The following ME3 variants were observed in gnomAD, a reference collection of about 807,000 sequenced individuals.
ME3 encodes the protein malic enzyme 3, also known as NADP-dependent malic enzyme, mitochondrial.
ME3 carries 48 observed loss-of-function variants against 68.9 expected under a neutral mutation model. That is an observed-to-expected ratio of 0.70 (90% CI 0.55 to 0.89). The LOEUF (loss-of-function observed/expected upper bound fraction) is 0.89, where lower values mean the gene tolerates loss of function less well. ME3 is among the 40% of genes least tolerant of loss of function. The pLI is 0.00. For missense variants in ME3, 675 were observed against 797.4 expected, an observed-to-expected ratio of 0.85 and a Z score of 1.85; for synonymous variants, 320 against 318.8, an observed-to-expected ratio of 1.00 and a Z score of -0.04.
chr11:86,497,744 C>G (rs796151709), intron 6 of ME3, among the ~76,000 whole-genome samples: 1 of 152,088 alleles, frequency 6.6e-6, no homozygotes, highest in African/African-American at 2.4e-5. Flanking sequence ...GCAAGGGGGC[C>G]CAGGAGTGGG....
intron 2 of ME3, chr11:86,623,016 T>A (rs951104401): frequency 4.6e-5 from 7 of 152,158 alleles, no homozygotes; most frequent in Non-Finnish European, 7.4e-5. Flanking sequence ...TAATATCTAT[T>A]TGTGATGGTT....
chr11:86,501,319 A>G (rs1401316324), intron 5 of ME3, among the ~76,000 whole-genome samples: 1 of 152,148 alleles, frequency 6.6e-6, no homozygotes, highest in Non-Finnish European at 1.5e-5. Context: ...GATGATGATT[A>G]TTTAGGGCAA....
At chr11:86,466,851 C>T (rs1950507109) in intron 7 of ME3, among the ~76,000 whole-genome samples, 1 of 152,176 alleles carries the variant, frequency 6.6e-6, no homozygotes, top group Non-Finnish European at 1.5e-5. Flanking sequence ...GGTTAGAAGG[C>T]CATAGGCCGG....
chr11:86,454,632 G>A (rs76997902), intron 8 of ME3, among the ~76,000 whole-genome samples: 9,416 of 152,264 alleles, frequency 0.062, 339 homozygotes, highest in Non-Finnish European at 0.086. Context: ...GGAAAATAAG[G>A]TATGGTTTGC....
At chr11:86,504,331 C>T (rs943355247) in intron 5 of ME3, among the ~76,000 whole-genome samples, 9 of 146,842 alleles carry the variant, frequency 6.1e-5, no homozygotes, top group African/African-American at 2.2e-4. Context: ...TAACCTCAGA[C>T]AAGTCACTTA....
At chr11:86,614,961 C>A (rs1942851912) in intron 2 of ME3, among the ~76,000 whole-genome samples, 1 of 152,136 alleles carries the variant, frequency 6.6e-6, no homozygotes, top group Non-Finnish European at 1.5e-5. Context: ...TCAGATGTGG[C>A]CATGAGACGA....
intron 2 of ME3, among the ~76,000 whole-genome samples, chr11:86,661,573 C>G (rs2135490997): frequency 6.6e-6 from 1 of 152,344 alleles, no homozygotes; most frequent in East Asian, 1.9e-4. Flanking sequence ...TGACTATACT[C>G]AGAGACAATG....
At chr11:86,663,135 T>G (rs1946387651) in intron 2 of ME3, among the ~76,000 whole-genome samples, 1 of 152,198 alleles carries the variant, frequency 6.6e-6, no homozygotes, top group African/African-American at 2.4e-5. Flanking sequence ...TGACACAGAA[T>G]CAAGACAAAA....
At chr11:86,491,010 A>G (rs1338648833) in intron 6 of ME3, among the ~76,000 whole-genome samples, 1 of 152,222 alleles carries the variant, frequency 6.6e-6, no homozygotes, top group Non-Finnish European at 1.5e-5. Flanking sequence ...AAAAGCTTTT[A>G]AAAAGTCCTT....
intron 8 of ME3, chr11:86,457,656 G>A (rs1200262255): frequency 7.8e-7 from 1 of 1,284,622 alleles, no homozygotes; most frequent in Non-Finnish European, 1.0e-6. Context: ...CTACTTAGCT[G>A]TTTCGAGGTA....
At chr11:86,608,469 A>C (rs1942316483) in intron 2 of ME3, among the ~76,000 whole-genome samples, 1 of 152,134 alleles carries the variant, frequency 6.6e-6, no homozygotes, top group Non-Finnish European at 1.5e-5. Flanking sequence ...CTGAGGATGC[A>C]CTCTCAATAG....
At chr11:86,590,232 T>A (rs1278276880) in intron 2 of ME3, among the ~76,000 whole-genome samples, 1 of 152,152 alleles carries the variant, frequency 6.6e-6, no homozygotes, top group Non-Finnish European at 1.5e-5. Flanking sequence ...TCTATCTACT[T>A]ACGTTGCACC....
At chr11:86,605,035 C>A (rs1961409611) in intron 2 of ME3, among the ~76,000 whole-genome samples, 2 of 152,162 alleles carry the variant, frequency 1.3e-5, no homozygotes, top group South Asian at 2.1e-4. Context: ...TCTGAGCAAT[C>A]ACCAGTCTTT....
chr11:86,669,030 A>G lies in ME3; in HGVS notation c.183+2732T>C, dbSNP rs146486435. On this transcript the variant is annotated intron_variant, in intron 2 of 14. Transcript: ENST00000543262. The stretch of plus-strand genomic sequence containing the variant: ...TAACCTCATTGTTCTATTTAACCTC[A>G]GCACTATCTTCCCACCTGGCTGATG... 4.8e-3 allele frequency among the ~76,000 whole-genome samples: 733 copies of G among 152,332 alleles called. 11 individuals carry two copies. Among genetic ancestry groups the G allele is most frequent in the African/African-American group, 0.017 (709 of 41,562 alleles).
chr11:86,490,567 TG>T (rs1471316853), intron 6 of ME3, among the ~76,000 whole-genome samples: 1 of 152,212 alleles, frequency 6.6e-6, no homozygotes, highest in African/African-American at 2.4e-5. Context: ...TTTAAGACTT[TG>T]CAGTCACCTG....
At chr11:86,527,240 G>A (rs892502445) in intron 4 of ME3, among the ~76,000 whole-genome samples, 37 of 152,152 alleles carry the variant, frequency 2.4e-4, no homozygotes, top group African/African-American at 8.9e-4. Context: ...GTAGCTGATT[G>A]GATCAACTGG....
At chr11:86,660,471 A>G (rs1168885086) in intron 2 of ME3, among the ~76,000 whole-genome samples, 2 of 152,246 alleles carry the variant, frequency 1.3e-5, no homozygotes, top group Non-Finnish European at 2.9e-5. Context: ...TCAAGTAGAT[A>G]TGTTTTATTG....
chr11:86,517,054 G>A (rs1953947626), intron 4 of ME3, among the ~76,000 whole-genome samples: 1 of 151,970 alleles, frequency 6.6e-6, no homozygotes, highest in African/African-American at 2.4e-5. Context: ...GTTATGGGCT[G>A]TTCATCCTGG....
At chr11:86,622,146 T>G (rs1279098070) in intron 2 of ME3, among the ~76,000 whole-genome samples, 2 of 151,984 alleles carry the variant, frequency 1.3e-5, no homozygotes, top group African/African-American at 4.8e-5. Flanking sequence ...GAAGGATGCG[T>G]TCCAGATACC....
Sources: allele counts gnomAD v4.1 joint callset (sites outside exome capture counted in the v4.1 genomes callset), GRCh38; gene constraint gnomAD v4.1.1; transcripts MANE v1.5; gene names NCBI Gene and HGNC (gene_info 2026-07-23, HGNC 2026-07-21).